Variants in ITGA8 observed in about 807,000 individuals in gnomAD.
The protein encoded by ITGA8 is integrin alpha-8.
ITGA8 carries 91 observed loss-of-function variants against 142.3 expected under a neutral mutation model. The observed-to-expected ratio is 0.64, with a 90% CI of 0.54 to 0.76. ITGA8 has a LOEUF of 0.76. Ranked by LOEUF, ITGA8 falls within the 30% of genes least tolerant of loss-of-function variation. ITGA8 has a pLI of 0.00. For synonymous variants in ITGA8, 505 were observed against 485.2 expected (o/e 1.04, Z -0.54); for missense variants, 1,406 against 1,327.7 (o/e 1.06, Z -0.92).
chr10:15,625,188 G>A (rs767376174), intron 13 of ITGA8, among the ~76,000 whole-genome samples: 2 of 152,104 alleles, frequency 1.3e-5, no homozygotes, highest in Non-Finnish European at 2.9e-5. Context: ...GTTGGAACAT[G>A]GTATTAGGTT....
At chr10:15,689,144 G>A (rs1834886248) in intron 2 of ITGA8, among the ~76,000 whole-genome samples, 1 of 152,044 alleles carries the variant, frequency 6.6e-6, no homozygotes, top group African/African-American at 2.4e-5. Flanking sequence ...CCAGTAAAAT[G>A]GCAGGACACA....
At chr10:15,628,143 T>C (rs1045631903) in intron 13 of ITGA8, among the ~76,000 whole-genome samples, 12 of 151,954 alleles carry the variant, frequency 7.9e-5, no homozygotes, top group Non-Finnish European at 1.6e-4. Context: ...TACCCACTCC[T>C]TTCGCAGAAA....
chr10:15,557,553 A>C (rs9333215), intron 26 of ITGA8, among the ~76,000 whole-genome samples: 3 of 152,096 alleles, frequency 2.0e-5, no homozygotes, highest in African/African-American at 7.2e-5. Flanking sequence ...GGGTCTTGCT[A>C]TGTTGCCCAG....
At chr10:15,541,860 A>C (rs17137388) in intron 27 of ITGA8, among the ~76,000 whole-genome samples, 8,337 of 151,850 alleles carry the variant, frequency 0.055, 745 homozygotes, top group African/African-American at 0.19. Flanking sequence ...CTTAGCAAAT[A>C]TGAATCCAAA....
intron 26 of ITGA8, among the ~76,000 whole-genome samples, chr10:15,550,288 G>A (rs947506188): frequency 1.2e-4 from 19 of 152,046 alleles, no homozygotes; most frequent in Admixed American, 1.3e-4. Flanking sequence ...ACCCAGTCTC[G>A]GGTATGTCTT....
At chr10:15,545,097 G>A (rs1331836218) in intron 27 of ITGA8, among the ~76,000 whole-genome samples, 1 of 152,144 alleles carries the variant, frequency 6.6e-6, no homozygotes, top group Non-Finnish European at 1.5e-5. Context: ...GAATGTCTAC[G>A]GTTTTAAGCT....
intron 2 of ITGA8, among the ~76,000 whole-genome samples, chr10:15,704,080 C>G (rs903091932): frequency 6.6e-6 from 1 of 152,172 alleles, no homozygotes; most frequent in Non-Finnish European, 1.5e-5. Context: ...GCATCCTTGA[C>G]GATCACCAAT....
intron 11 of ITGA8, among the ~76,000 whole-genome samples, chr10:15,649,504 AC>A (rs777231163): frequency 1.3e-5 from 2 of 151,148 alleles, no homozygotes; most frequent in Non-Finnish European, 2.9e-5. Context: ...GTGGTGGGTG[AC>A]TGTACCCAGT....
intron 15 of ITGA8, 148 bp downstream of exon 15, chr10:15,613,509 CCAG>C: frequency 6.7e-5 from 45 of 672,694 alleles, no homozygotes; most frequent in Admixed American, 1.2e-4. Context: ...CGGCCACAGA[CCAG>C]CAGCAGCAGC....
Position 15,645,525 on chromosome 10 carries a change from C to G in ITGA8, c.1208-1304G>C, listed in dbSNP as rs376296399. Among the ~76,000 whole-genome samples, 61 of 152,244 alleles carry G rather than the reference C, an allele frequency of 4.0e-4. 1 individual carries two copies. The South Asian group carries it at 0.012, about 29-fold the overall frequency. ...TAAGCTTGTCTTTTAAAAAATTTCCCTGGAACCATAAGCTTTTTACATGTA... is the reference window on the plus strand; with the variant it reads ...TAAGCTTGTCTTTTAAAAAATTTCCGTGGAACCATAAGCTTTTTACATGTA... On this transcript the variant is annotated intron_variant, in intron 12 of 29. Transcript: ENST00000378076.
chr10:15,623,737 T>A (rs1466003105), intron 13 of ITGA8, among the ~76,000 whole-genome samples: 2 of 152,150 alleles, frequency 1.3e-5, no homozygotes, highest in African/African-American at 4.8e-5. Context: ...TTTATTATGA[T>A]AAATTTCATC....
chr10:15,634,395 A>G (rs564228645), intron 13 of ITGA8, among the ~76,000 whole-genome samples: 5 of 152,216 alleles, frequency 3.3e-5, no homozygotes, highest in South Asian at 2.1e-4. Context: ...TCCAAAACCC[A>G]ACTTTAAAGG....
rs912513334 is a variant in ITGA8, at chr10:15,689,370, C to T, written c.344-1332G>A. Among the ~76,000 whole-genome samples the T allele has an allele frequency of 3.9e-5, 6 of 152,140 alleles. No homozygotes were observed. In the South Asian group the frequency reaches 6.2e-4, roughly 16 times the overall value. ...AAAAACCCTGTGAGAATAGAAACTC[C>T]GGATGGCCGCAGAGAGAAGTGATCC... On this transcript the variant is annotated intron_variant, in intron 2 of 29. Transcript: ENST00000378076.
intron 14 of ITGA8, among the ~76,000 whole-genome samples, chr10:15,615,657 G>A (rs545861664): frequency 1.2e-4 from 19 of 152,276 alleles, no homozygotes; most frequent in Admixed American, 1.2e-3. Flanking sequence ...GGGATTACAG[G>A]CGTGTACCAC....
At chr10:15,606,549 C>T (rs1326156911) in intron 17 of ITGA8, 127 bp from the exon 18 acceptor site, 1 of 920,102 alleles carries the variant, frequency 1.1e-6, no homozygotes, top group Non-Finnish European at 1.6e-6. Context: ...ATCTTTGCAG[C>T]AGGCTTAGAT....
intron 2 of ITGA8, among the ~76,000 whole-genome samples, chr10:15,706,135 C>G (rs4494214): frequency 6.6e-6 from 1 of 152,154 alleles, no homozygotes; most frequent in Non-Finnish European, 1.5e-5. Context: ...TTTCACATAT[C>G]TGGACTCAAC....
At chr10:15,669,373 G>A (rs1227305377) in intron 8 of ITGA8, among the ~76,000 whole-genome samples, 1 of 152,146 alleles carries the variant, frequency 6.6e-6, no homozygotes, top group Admixed American at 6.5e-5. Flanking sequence ...GCTCCATCAG[G>A]TCCTTTAAGG....
chr10:15,655,431 C>A (rs367558241), intron 10 of ITGA8, 25 bp from the exon 11 acceptor site: 29 of 1,565,278 alleles, frequency 1.9e-5, no homozygotes, highest in Non-Finnish European at 2.5e-5. Context: ...CAGGAGATGA[C>A]ATTTTGTGTC....
chr10:15,644,437 T>C (rs1357601323), intron 12 of ITGA8, among the ~76,000 whole-genome samples: 43 of 178 alleles, frequency 0.24, 1 homozygote, highest in East Asian at 0.5. Context: ...CAGGCTAATA[T>C]ATATATATAT....
Sources: gnomAD v4.1 joint callset for allele counts (sites outside exome capture counted in the v4.1 genomes callset) on GRCh38, gnomAD v4.1.1 for gene constraint, MANE v1.5 for transcripts, NCBI Gene and HGNC (gene_info 2026-07-23, HGNC 2026-07-21) for gene names.